Variants in EYS observed in about 807,000 individuals in gnomAD.
EYS encodes the protein EGF-like photoreceptor maintenance factor, also known as protein eyes shut homolog.
EYS carries 250 observed loss-of-function variants against 282.1 expected under a neutral mutation model. That is an observed-to-expected ratio of 0.89 (90% CI 0.80 to 0.98). The LOEUF is 0.98. Ranked by LOEUF, EYS falls within the 50% of genes least tolerant of loss-of-function variation. The pLI, the probability that EYS is intolerant of heterozygous loss-of-function variation, is 0.00. For synonymous variants in EYS, 1,355 were observed against 1,282.9 expected (o/e 1.06, Z -1.20); for missense variants, 4,016 against 3,709.0 (o/e 1.08, Z -2.15).
intron 26 of EYS, among the ~76,000 whole-genome samples, chr6:64,547,448 T>C (rs1330761961): frequency 1.3e-5 from 2 of 152,074 alleles, no homozygotes; most frequent in African/African-American, 4.8e-5. Flanking sequence ...ATACAGAGTG[T>C]TGACGCAAAG....
chr6:65,449,846 A>C (rs1764342098), intron 5 of EYS, among the ~76,000 whole-genome samples: 1 of 151,782 alleles, frequency 6.6e-6, no homozygotes, highest in African/African-American at 2.4e-5. Context: ...GGGCCTCTCA[A>C]CTTTTTATCT....
chr6:65,286,691 C>A (rs1341499782), intron 12 of EYS, among the ~76,000 whole-genome samples: 1 of 151,514 alleles, frequency 6.6e-6, no homozygotes, highest in Admixed American at 6.6e-5. Flanking sequence ...GGAAGAAAAA[C>A]AAGCTATCAA....
At chr6:65,000,052 T>C (rs919121486) in intron 13 of EYS, among the ~76,000 whole-genome samples, 1 of 152,184 alleles carries the variant, frequency 6.6e-6, no homozygotes, top group East Asian at 1.9e-4. Context: ...AAGCCGCCTA[T>C]AGATGGCAAA....
chr6:65,080,585 G>A (rs9354212), intron 12 of EYS, among the ~76,000 whole-genome samples: 1 of 151,956 alleles, frequency 6.6e-6, no homozygotes, highest in Admixed American at 6.6e-5. Flanking sequence ...CTCACTATGG[G>A]CAGCTCAAAC....
At chr6:64,034,738 A>G (rs1770027769) in intron 33 of EYS, among the ~76,000 whole-genome samples, 1 of 152,184 alleles carries the variant, frequency 6.6e-6, no homozygotes, top group South Asian at 2.1e-4. Flanking sequence ...AAGCAGAGTT[A>G]TTAGGCCAGG....
intron 2 of EYS, among the ~76,000 whole-genome samples, chr6:65,560,937 G>T (rs1769029744): frequency 6.6e-6 from 1 of 151,928 alleles, no homozygotes. Context: ...CAAGCCTGAA[G>T]ATTTTTTTTT....
At chr6:65,151,200 A>G (rs1317255186) in intron 12 of EYS, among the ~76,000 whole-genome samples, 1 of 152,086 alleles carries the variant, frequency 6.6e-6, no homozygotes, top group Non-Finnish European at 1.5e-5. Context: ...TCACATGCAG[A>G]CATTCTGAAA....
At chr6:64,384,742 A>C (rs1040913599) in intron 29 of EYS, among the ~76,000 whole-genome samples, 1 of 152,218 alleles carries the variant, frequency 6.6e-6, no homozygotes, top group African/African-American at 2.4e-5. Flanking sequence ...AGACCTTGAA[A>C]GTTATCATCA....
At chr6:64,381,097 T>C (rs1475795892) in intron 29 of EYS, among the ~76,000 whole-genome samples, 2 of 151,934 alleles carry the variant, frequency 1.3e-5, no homozygotes, top group South Asian at 2.1e-4. Context: ...AAATATATAA[T>C]GGATATGAGG....
At chr6:63,913,681 A>G (rs1764340557) in intron 35 of EYS, among the ~76,000 whole-genome samples, 1 of 152,224 alleles carries the variant, frequency 6.6e-6, no homozygotes, top group East Asian at 1.9e-4. Context: ...TATTATTACA[A>G]TAGTTTTCTT....
intron 33 of EYS, among the ~76,000 whole-genome samples, chr6:64,031,256 C>A (rs1769817230): frequency 6.6e-6 from 1 of 152,166 alleles, no homozygotes; most frequent in Non-Finnish European, 1.5e-5. Flanking sequence ...CTCAGAGGGG[C>A]TGGCCGGCAC....
intron 12 of EYS, among the ~76,000 whole-genome samples, chr6:65,079,557 G>A (rs1774158652): frequency 6.6e-6 from 1 of 151,790 alleles, no homozygotes. Flanking sequence ...TTTAAATACT[G>A]TTTTAATAGT....
At chr6:64,468,163 T>G (rs572416670) in intron 26 of EYS, among the ~76,000 whole-genome samples, 1 of 152,252 alleles carries the variant, frequency 6.6e-6, no homozygotes, top group African/African-American at 2.4e-5. Context: ...TCATTACAGG[T>G]GTCCAAGGAC....
At chr6:64,263,872 A>G (rs1767668667) in intron 30 of EYS, among the ~76,000 whole-genome samples, 1 of 152,160 alleles carries the variant, frequency 6.6e-6, no homozygotes, top group Non-Finnish European at 1.5e-5. Flanking sequence ...TCTTCTCTCA[A>G]TAAAAGAACA....
intron 22 of EYS, among the ~76,000 whole-genome samples, chr6:64,630,734 A>G (rs1361934672): frequency 6.6e-6 from 1 of 152,110 alleles, no homozygotes; most frequent in Non-Finnish European, 1.5e-5. Context: ...TTAATGTTAA[A>G]CTTTTACTCT....
rs138188567 is a variant in EYS, at chr6:65,597,074, C to T, written c.-333+42704G>A. Among the ~76,000 whole-genome samples the T allele has an allele frequency of 5.9e-3, 905 of 152,142 alleles. 7 individuals are homozygous for T. The highest frequency in any genetic ancestry group is 0.019 in the African/African-American group (782 of 41,516). On this transcript the variant is annotated intron_variant, in intron 2 of 42. Transcript: ENST00000503581. ...ATGCATATGAACATTATATTAGAGA[C>T]CACTGCATCCCAAACTGGTATTTTA...
At position 64,433,956 on chromosome 6, in the gene EYS, CT is replaced by C. The variant is rs138701593; in HGVS notation, c.5927+2217del. Among the ~76,000 whole-genome samples the C allele has an allele frequency of 2.3e-3, 350 of 152,082 alleles. 6 individuals are homozygous for C. Among genetic ancestry groups the C allele is most frequent in the Admixed American group, 0.02 (300 of 15,230 alleles). On this transcript the variant is annotated intron_variant, in intron 28 of 42. Transcript: ENST00000503581. ...CTCAGCTTTCAAATATGCAAAATGA[CT>C]GCTATGGGTTGAATTGTGTTTCACT...
intron 36 of EYS, among the ~76,000 whole-genome samples, chr6:63,806,603 C>A (rs990329038): frequency 6.6e-6 from 1 of 152,192 alleles, no homozygotes; most frequent in Non-Finnish European, 1.5e-5. Flanking sequence ...CACTAGCATA[C>A]TCTTTCTACA....
chr6:65,476,408 T>A lies in EYS; in HGVS notation c.862+14186A>T, dbSNP rs116512658. Among the ~76,000 whole-genome samples, 270 of 152,332 alleles carry A rather than the reference T, an allele frequency of 1.8e-3. 1 individual carries two copies. Among genetic ancestry groups the A allele is most frequent in the African/African-American group, 6.2e-3 (259 of 41,584 alleles). The stretch of plus-strand genomic sequence containing the variant: ...AATTGATTGTTCATTAAGATATTTA[T>A]ATGTACATCTTAATTTAATTCACTT... On this transcript the variant is annotated intron_variant, in intron 5 of 42. Transcript: ENST00000503581.
Sources: gnomAD v4.1 joint callset for allele counts (sites outside exome capture counted in the v4.1 genomes callset) on GRCh38, gnomAD v4.1.1 for gene constraint, MANE v1.5 for transcripts, NCBI Gene and HGNC (gene_info 2026-07-23, HGNC 2026-07-21) for gene names.